Variants in GRB10 observed in about 807,000 individuals in gnomAD.
The protein encoded by GRB10 is growth factor receptor bound protein 10.
GRB10 carries 20 observed loss-of-function variants against 80.9 expected under a neutral mutation model. The ratio of observed to expected loss-of-function variants is 0.25; its 90% CI spans 0.17 to 0.36. The LOEUF is 0.36. Ranked by LOEUF, GRB10 falls within the 10% of genes least tolerant of loss-of-function variation. GRB10 has a pLI of 1.00. For synonymous variants in GRB10, 291 were observed against 291.5 expected, an observed-to-expected ratio of 1.00 and a Z score of 0.02; for missense variants, 548 against 747.7, an observed-to-expected ratio of 0.73 and a Z score of 3.12.
intron 8 of GRB10, among the ~76,000 whole-genome samples, chr7:50,622,017 C>T (rs1003958547): frequency 6.6e-6 from 1 of 152,230 alleles, no homozygotes; most frequent in Non-Finnish European, 1.5e-5. Flanking sequence ...AAGCTGTGCA[C>T]CCCACTGTCT....
chr7:50,732,204 CGACA>C, intron 4 of GRB10, 64 bp downstream of exon 4: 2 of 1,490,542 alleles, frequency 1.3e-6, no homozygotes, highest in Non-Finnish European at 1.9e-6. Context: ...TGGCTGCTGG[CGACA>C]TGTGTGCCCT....
rs924382567 is a variant in GRB10, at chr7:50,592,066, C to T, written c.*886G>A. 2.0e-5 allele frequency: 3 copies of T among 152,280 alleles called. No homozygotes were observed. The highest frequency in any genetic ancestry group is 7.2e-5 in the African/African-American group (3 of 41,462). The allele number at this position is 152,280 out of a possible 1,614,324, so 9.4% of individuals were successfully genotyped here. On this transcript the variant is annotated 3_prime_UTR_variant, in exon 19 of 19. Transcript: ENST00000401949. Reference sequence around the variant, plus strand: ...ACCCAGGTGGATTATGCAGCATCCACCGCTGGCCGATGACGGGTGCCAGGT... The same window carrying T: ...ACCCAGGTGGATTATGCAGCATCCATCGCTGGCCGATGACGGGTGCCAGGT...
intron 1 of GRB10, among the ~76,000 whole-genome samples, chr7:50,789,339 C>T (rs920689134): frequency 6.6e-5 from 10 of 152,346 alleles, no homozygotes; most frequent in Admixed American, 3.3e-4. Context: ...CTACAGACAT[C>T]GCCACAAAGA....
chr7:50,776,431 G>C (rs192935780), intron 2 of GRB10, among the ~76,000 whole-genome samples: 3 of 151,860 alleles, frequency 2.0e-5, no homozygotes, highest in Non-Finnish European at 4.4e-5. Flanking sequence ...ATATTGCCCA[G>C]GCTGGTCTTG....
At chr7:50,784,246 G>A (rs953394038), upstream of GRB10, among the ~76,000 whole-genome samples, 13 of 152,302 alleles carry the variant, frequency 8.5e-5, no homozygotes, top group Admixed American at 7.2e-4. Context: ...CCTGAGATTC[G>A]GGGAGAAACC....
At position 50,626,833 on chromosome 7, in the gene GRB10, T is replaced by A; in HGVS notation, c.650A>T (p.His217Leu). The change falls in exon 8 of 19, where the codon CAC becomes CTC. Residue 217 changes from histidine to leucine, a missense_variant. Physicochemically the swap from His to Leu is moderately conservative, Grantham distance 99 (BLOSUM62 -3). Around this residue, in one of 4 missense-constraint regions of GRB10, gnomAD observed 270 missense variants for 433.6 expected, o/e 0.62. Transcript: ENST00000401949. Reference protein sequence around the residue: ...NSWTLVEHHPHLGLERCLEDH... With the variant: ...NSWTLVEHHPLLGLERCLEDH... ...TGATGGTTCCCTACCTAATCCTAGG[T>A]GCGGGTGGTGCTCCACTAGTGTCCA... is the stretch of plus-strand genomic sequence containing the variant. 6.2e-7 allele frequency: 1 copy of A among 1,614,160 alleles called. No individual in the cohort carries two copies. The highest frequency in any genetic ancestry group is 8.5e-7 in the Non-Finnish European group (1 of 1,180,022).
intron 5 of GRB10, among the ~76,000 whole-genome samples, chr7:50,692,287 T>G (rs2062909280): frequency 1.3e-5 from 2 of 149,122 alleles, no homozygotes; most frequent in African/African-American, 5.2e-5. Flanking sequence ...GGGACAACTG[T>G]GTACACACAC....
intron 4 of GRB10, among the ~76,000 whole-genome samples, chr7:50,707,097 CTTT>C (rs2153671080): frequency 6.6e-6 from 1 of 152,282 alleles, no homozygotes; most frequent in African/African-American, 2.4e-5. Context: ...TTGACCTTAT[CTTT>C]TTGGCTCATC....
chr7:50,645,433 G>C (rs1184573322), intron 7 of GRB10: 2 of 189,522 alleles, frequency 1.1e-5, no homozygotes, highest in African/African-American at 2.4e-5. Context: ...GCCATCTGGG[G>C]AGTATGTCTG....
chr7:50,739,691 G>A (rs1471482356), intron 3 of GRB10, among the ~76,000 whole-genome samples: 1 of 152,164 alleles, frequency 6.6e-6, no homozygotes, highest in African/African-American at 2.4e-5. Flanking sequence ...TTTGAAAATA[G>A]GGCAGGGCTG....
At chr7:50,632,510 G>A (rs896142974) in intron 7 of GRB10, among the ~76,000 whole-genome samples, 2 of 152,172 alleles carry the variant, frequency 1.3e-5, no homozygotes, top group Non-Finnish European at 2.9e-5. Context: ...AAAGAGTGTG[G>A]CGCAGGTTCA....
Position 50,604,100 on chromosome 7 carries a change from C to A in GRB10, c.1457-15G>T, listed in dbSNP as rs148145615. Reference sequence around the variant, plus strand: ...CCTGTGAATCACTGTGGGGGGAAGACAGGAGGAGGGTAGGATGGTGGTGCC... The same window carrying A: ...CCTGTGAATCACTGTGGGGGGAAGAAAGGAGGAGGGTAGGATGGTGGTGCC... On this transcript the variant is annotated splice_polypyrimidine_tract_variant and intron_variant, in intron 16 of 18. Coordinates refer to ENST00000401949, the MANE Select transcript of GRB10 (RefSeq NM_001350814.2). 7 of 1,606,168 alleles carry A rather than the reference C, an allele frequency of 4.4e-6. No individual in the cohort carries two copies. In the South Asian group the frequency reaches 4.4e-5, roughly 10 times the overall value.
intron 14 of GRB10, 87 bp downstream of exon 14, chr7:50,606,250 C>T: frequency 1.9e-6 from 2 of 1,054,500 alleles, no homozygotes; most frequent in Non-Finnish European, 3.0e-6. Context: ...TTCTCTTGCC[C>T]ACCCTGTGTG....
At chr7:50,734,132 T>C (rs757981456) in intron 3 of GRB10, among the ~76,000 whole-genome samples, 1 of 152,168 alleles carries the variant, frequency 6.6e-6, no homozygotes, top group Non-Finnish European at 1.5e-5. Context: ...CCGTCACCCC[T>C]AGCCGTTGAG....
chr7:50,788,630 C>T (rs1228146955), intron 1 of GRB10, among the ~76,000 whole-genome samples: 1 of 152,192 alleles, frequency 6.6e-6, no homozygotes, highest in Non-Finnish European at 1.5e-5. Context: ...TTGGGAAACC[C>T]ATGTTAATAG....
intron 2 of GRB10, among the ~76,000 whole-genome samples, chr7:50,779,951 T>C (rs1324351648): frequency 2.6e-5 from 4 of 151,940 alleles, no homozygotes; most frequent in African/African-American, 7.3e-5. Context: ...CCTGGAGAGA[T>C]AGTCCTGGAC....
chr7:50,647,649 A>G (rs1274373993), intron 7 of GRB10, among the ~76,000 whole-genome samples: 3 of 152,200 alleles, frequency 2.0e-5, no homozygotes, highest in Non-Finnish European at 4.4e-5. Context: ...GCTGCTGGCT[A>G]AGAAGGTCCT....
intron 8 of GRB10, among the ~76,000 whole-genome samples, chr7:50,620,612 C>T (rs1038692989): frequency 2.0e-5 from 3 of 152,152 alleles, no homozygotes; most frequent in South Asian, 2.1e-4. Context: ...ATTTTCTCCC[C>T]GTGGCTGCCA....
intron 2 of GRB10, among the ~76,000 whole-genome samples, chr7:50,767,750 C>T (rs1209002327): frequency 6.6e-6 from 1 of 152,160 alleles, no homozygotes; most frequent in African/African-American, 2.4e-5. Context: ...CAGCAGTGAG[C>T]CACTAGGCCC....
Sources: gnomAD v4.1 joint callset for allele counts (sites outside exome capture counted in the v4.1 genomes callset) on GRCh38, gnomAD v4.1.1 for gene constraint, gnomAD v4.1.1 regional missense constraint, MANE v1.5 for transcripts, NCBI Gene and HGNC (gene_info 2026-07-23, HGNC 2026-07-21) for gene names.